Variants in PARVB observed in about 807,000 individuals in gnomAD.
PARVB encodes beta-parvin.
PARVB carries 46 observed loss-of-function variants against 47.0 expected under a neutral mutation model. That is an observed-to-expected ratio of 0.98 (90% confidence interval 0.77 to 1.25). The LOEUF (loss-of-function observed/expected upper bound fraction) is 1.25. Ranked by LOEUF, PARVB falls within the 50% of genes most tolerant of loss-of-function variation. PARVB has a pLI of 0.00. For missense variants in PARVB, 473 were observed against 471.6 expected, an observed-to-expected ratio of 1.00 and a Z score of -0.03; for synonymous variants, 196 against 196.3, an observed-to-expected ratio of 1.00 and a Z score of 0.01.
At chr22:44,140,793 T>G in intron 8 of PARVB, 1 of 301,272 alleles carries the variant, frequency 3.3e-6, no homozygotes, top group East Asian at 7.8e-5. Context: ...TTATTAGTGT[T>G]GGTTTTCAGT....
chr22:44,168,380 C>A (rs929134830), intron 12 of PARVB: 4 of 522,224 alleles, frequency 7.7e-6, no homozygotes, highest in Non-Finnish European at 1.4e-5. Context: ...AGGTGCCTGT[C>A]CCCGCAGGGT....
intron 1 of PARVB, among the ~76,000 whole-genome samples, chr22:44,032,437 C>T (rs928529853): frequency 3.9e-5 from 6 of 152,044 alleles, no homozygotes; most frequent in African/African-American, 7.2e-5. Context: ...TTCTTCATTT[C>T]TAATATGGGG....
chr22:44,148,366 G>T, intron 9 of PARVB: 1 of 212,768 alleles, frequency 4.7e-6, no homozygotes, highest in Non-Finnish European at 9.7e-6. Context: ...CACTAGCCCA[G>T]GCAGCCTGCT....
At chr22:44,047,442 C>T (rs1006822961) in intron 1 of PARVB, among the ~76,000 whole-genome samples, 1 of 152,122 alleles carries the variant, frequency 6.6e-6, no homozygotes, top group Non-Finnish European at 1.5e-5. Context: ...AGGCAGATCA[C>T]TTGAGGTCAG....
At chr22:44,076,895 G>A (rs1334814559) in intron 1 of PARVB, among the ~76,000 whole-genome samples, 2 of 152,170 alleles carry the variant, frequency 1.3e-5, no homozygotes, top group Admixed American at 1.3e-4. Flanking sequence ...GCTCGCTGAG[G>A]TGTGCGCCGG....
At chr22:44,095,390 G>C (rs971493606) in intron 2 of PARVB, among the ~76,000 whole-genome samples, 24 of 152,058 alleles carry the variant, frequency 1.6e-4, no homozygotes, top group Non-Finnish European at 2.9e-4. Flanking sequence ...TGTAATTCCA[G>C]CTACTCTGGA....
chr22:44,064,984 G>A (rs1326610089), intron 1 of PARVB, among the ~76,000 whole-genome samples: 1 of 152,240 alleles, frequency 6.6e-6, no homozygotes, highest in Non-Finnish European at 1.5e-5. Flanking sequence ...AAGAGGAAAT[G>A]TACAGGGTTT....
At chr22:44,163,826 C>G in intron 11 of PARVB, 32 bp from the exon 12 acceptor site, 1 of 1,579,044 alleles carries the variant, frequency 6.3e-7, no homozygotes, top group Non-Finnish European at 8.6e-7. Context: ...ACTGTTGGAC[C>G]CTAACGCTGA....
chr22:44,028,178 G>A lies in PARVB; in HGVS notation c.112+3727G>A, dbSNP rs532385497. 6.6e-5 allele frequency among the ~76,000 whole-genome samples: 10 copies of A among 152,110 alleles called. No homozygotes were observed. The South Asian group carries it at 1.9e-3, about 28-fold the overall frequency. ...TGCCGTTGGACATTCTGTGGCTCTG[G>A]ATGGATGTAGAGTGACATGGACCCA... On this transcript the variant is annotated intron_variant, in intron 1 of 12. Transcript: ENST00000338758.
chr22:44,034,734 G>A (rs1468888652), intron 1 of PARVB, among the ~76,000 whole-genome samples: 2 of 140,568 alleles, frequency 1.4e-5, no homozygotes, highest in African/African-American at 2.7e-5. Flanking sequence ...TTTTTGAGAC[G>A]GAGTTTCGCT....
In PARVB at chr22:44,169,660, C is replaced by A. The variant is rs1000145977; in HGVS notation, c.*982C>A. ...TCTCCCCGTGTCTTCACATGGTCTC[C>A]CCTCTGTGTGTCTGTGTCCTCACCG... is the stretch of plus-strand genomic sequence containing the variant. On this transcript the variant is annotated 3_prime_UTR_variant, in exon 13 of 13. Transcript: ENST00000338758. 2 of 150,280 alleles carry A rather than the reference C, an allele frequency of 1.3e-5. No homozygotes were observed. Among genetic ancestry groups the A allele is most frequent in the Non-Finnish European group, 2.9e-5 (2 of 68,020 alleles). The allele number at this position is 150,280 out of a possible 1,614,324, so 9.3% of individuals were successfully genotyped here. A position where few individuals can be genotyped will look rare whatever the true frequency, so the allele number is the denominator to read the frequency against.
intron 1 of PARVB, among the ~76,000 whole-genome samples, chr22:44,036,404 T>C (rs2050923489): frequency 6.6e-6 from 1 of 152,226 alleles, no homozygotes; most frequent in Admixed American, 6.5e-5. Flanking sequence ...TGTATGTATT[T>C]TATGGTGGTA....
chr22:44,001,358 C>T (rs758187023), intron 2 of PARVB, among the ~76,000 whole-genome samples: 6 of 152,158 alleles, frequency 3.9e-5, no homozygotes, highest in Non-Finnish European at 5.9e-5. Context: ...TTGATAAACC[C>T]GTTGTAATTC....
chr22:44,129,635 T>C (rs1340959751), intron 4 of PARVB, among the ~76,000 whole-genome samples: 1 of 152,244 alleles, frequency 6.6e-6, no homozygotes, highest in Non-Finnish European at 1.5e-5. Context: ...ACTTGCTCTC[T>C]ACTTCCAGGG....
intron 1 of PARVB, among the ~76,000 whole-genome samples, chr22:44,086,294 T>A (rs1233503270): frequency 6.6e-6 from 1 of 152,264 alleles, no homozygotes; most frequent in East Asian, 1.9e-4. Flanking sequence ...TTCTTGTATG[T>A]TGTGCTCCAT....
At position 44,170,772 on chromosome 22, in the gene PARVB, C is replaced by T. The variant is rs990959532; in HGVS notation, c.*2094C>T. ...AGCCCCCTTCCTTGGCATCTCTCAG[C>T]ATTCTCCGTAGTGAGCCTGGCCTTT... On this transcript the variant is annotated 3_prime_UTR_variant, in exon 13 of 13. Coordinates refer to ENST00000338758, the MANE Select transcript of PARVB (RefSeq NM_013327.5). 3 of 152,276 alleles carry T rather than the reference C, an allele frequency of 2.0e-5. No individual in the cohort carries two copies. Among genetic ancestry groups the T allele is most frequent in the Non-Finnish European group, 4.4e-5 (3 of 68,076 alleles). 9.4% of individuals were successfully genotyped at this position (152,276 alleles called of 1,614,324 possible). A position where few individuals can be genotyped will look rare whatever the true frequency, so the allele number is the denominator to read the frequency against.
At chr22:44,039,715 A>G (rs2050984150) in intron 1 of PARVB, 1 of 381,626 alleles carries the variant, frequency 2.6e-6, no homozygotes, top group African/African-American at 2.1e-5. Context: ...GGCAGTGTCA[A>G]GGAACAAGGT....
intron 4 of PARVB, among the ~76,000 whole-genome samples, chr22:44,127,864 C>T (rs1000567811): frequency 5.9e-5 from 9 of 151,792 alleles, no homozygotes; most frequent in Non-Finnish European, 2.9e-5. Flanking sequence ...CAGCTCACTG[C>T]AGCCTTGACC....
chr22:44,068,657 G>A lies in PARVB; in HGVS notation c.113-25271G>A, dbSNP rs772684170. 2.0e-5 allele frequency among the ~76,000 whole-genome samples: 3 copies of A among 152,210 alleles called. No homozygotes were observed. The highest frequency in any genetic ancestry group is 1.9e-4 in the East Asian group (1 of 5,192). On this transcript the variant is annotated intron_variant, in intron 1 of 12. Transcript: ENST00000338758. The surrounding 1 kb of genome is among the most constrained non-coding windows in gnomAD (Gnocchi z 4.1). ...ACGGGAGATGCAGCTGGGGTGGCAC[G>A]TGCCCACAGTGGTGCCACCTCTTGC...
Sources: gnomAD v4.1 joint callset for allele counts (sites outside exome capture counted in the v4.1 genomes callset) on GRCh38, gnomAD v4.1.1 for gene constraint, Gnocchi (gnomAD v3.1) non-coding constraint, MANE v1.5 for transcripts, NCBI Gene and HGNC (gene_info 2026-07-23, HGNC 2026-07-21) for gene names.